The following EPB42 variants were observed in gnomAD, a reference collection of about 807,000 sequenced individuals.
EPB42 encodes protein 4.2.
A neutral mutation model predicts 76.9 loss-of-function variants in EPB42; 49 were observed. The ratio of observed to expected loss-of-function variants is 0.64; its 90% CI spans 0.51 to 0.81. The LOEUF (loss-of-function observed/expected upper bound fraction) is 0.81. EPB42 is among the 30% of genes least tolerant of loss of function. The pLI is 0.00. For missense variants in EPB42, 731 were observed against 867.6 expected, an observed-to-expected ratio of 0.84 and a Z score of 1.98; for synonymous variants, 310 against 338.4, an observed-to-expected ratio of 0.92 and a Z score of 0.92.
chr15:43,207,076 A>C, intron 9 of EPB42, 123 bp downstream of exon 9: 1 of 1,451,608 alleles, frequency 6.9e-7, no homozygotes, highest in Non-Finnish European at 9.4e-7. Context: ...GGGGTTGAGA[A>C]ACCCTGTTTT....
chr15:43,207,177 G>A (rs1248457866), intron 9 of EPB42, 22 bp downstream of exon 9: 2 of 1,613,710 alleles, frequency 1.2e-6, no homozygotes, highest in African/African-American at 2.7e-5. Flanking sequence ...CGAGAAGCCT[G>A]GGGCCCTTCC....
rs774191274 is a variant in EPB42 at position 43,209,315 on chromosome 15, T to A, written c.791A>T (p.Tyr264Phe). ...QWLTGRGRPV[Y>F]DGQAWVLAAV... ...AGCCAACACCCAGGCCTGGCCATCA[T>A]ACACAGGTCGGCCTCGGCCGGTGAG... Residue 264 changes from tyrosine to phenylalanine, a missense_variant, in exon 6 of 13, where the codon TAT becomes TTT. Coordinates refer to ENST00000441366, the MANE Select transcript of EPB42 (RefSeq NM_001114134.2). 1 of 1,614,094 alleles carries A rather than the reference T, an allele frequency of 6.2e-7. No individual in the cohort carries two copies. Among genetic ancestry groups the A allele is most frequent in the South Asian group, 1.1e-5 (1 of 91,088 alleles).
chr15:43,213,786 T>C (rs1011895473), intron 3 of EPB42, among the ~76,000 whole-genome samples: 1 of 152,230 alleles, frequency 6.6e-6, no homozygotes, highest in East Asian at 1.9e-4. Context: ...TCCCATCTGC[T>C]GATCCACCTG....
intron 1 of EPB42, 43 bp from the exon 2 acceptor site, chr15:43,216,496 G>A (rs1227758753): frequency 6.3e-7 from 1 of 1,594,854 alleles, no homozygotes; most frequent in East Asian, 2.2e-5. Context: ...AAGTACATGT[G>A]ACAATGTAAG....
intron 4 of EPB42, 86 bp from the exon 5 acceptor site, chr15:43,210,525 G>C: frequency 2.5e-6 from 3 of 1,213,114 alleles, no homozygotes; most frequent in South Asian, 1.2e-5. Context: ...TCATCCTGCA[G>C]GACAGCCTCA....
chr15:43,206,699 A>AATC lies in EPB42; in HGVS notation c.1319-73_1319-71dup. 6.4e-7 allele frequency: 1 copy of AATC among 1,574,036 alleles called. No individual in the cohort carries two copies. Among genetic ancestry groups the AATC allele is most frequent in the Non-Finnish European group, 8.7e-7 (1 of 1,148,464 alleles). ...TAAATGCTTCTAATAAAACCCTGGG[A>AATC]ATCAAAACCATTTACCCACTTCTGC... On this transcript the variant is annotated intron_variant, in intron 9 of 12. Coordinates refer to ENST00000441366, the MANE Select transcript of EPB42 (RefSeq NM_001114134.2). The surrounding 1 kb of genome is among the most constrained non-coding windows in gnomAD (Gnocchi z 4.7).
upstream of EPB42, among the ~76,000 whole-genome samples, chr15:43,222,635 A>G (rs2042472806): frequency 6.6e-6 from 1 of 152,248 alleles, no homozygotes; most frequent in Non-Finnish European, 1.5e-5. Context: ...ATAATAATAA[A>G]GTGTGACCAG....
intron 8 of EPB42, 110 bp downstream of exon 8, chr15:43,208,120 G>A (rs959916627): frequency 3.3e-6 from 3 of 919,436 alleles, no homozygotes; most frequent in Admixed American, 2.0e-5. Flanking sequence ...TGCTTCTACT[G>A]TTTTCGAGGA....
chr15:43,214,727 G>A (rs988247729), intron 3 of EPB42, among the ~76,000 whole-genome samples: 6 of 152,130 alleles, frequency 3.9e-5, no homozygotes, highest in Admixed American at 6.6e-5. Flanking sequence ...CCTCATTCCC[G>A]AGGCCCTCTC....
chr15:43,206,888 A>C lies in EPB42; in HGVS notation c.1319-259T>G, dbSNP rs2042212907. Among the ~76,000 whole-genome samples the C allele has an allele frequency of 6.6e-6, 1 of 152,080 alleles. No individual in the cohort carries two copies. Among genetic ancestry groups the C allele is most frequent in the Non-Finnish European group, 1.5e-5 (1 of 68,026 alleles). On this transcript the variant is annotated intron_variant, in intron 9 of 12. Coordinates refer to ENST00000441366, the MANE Select transcript of EPB42 (RefSeq NM_001114134.2). The surrounding 1 kb of genome is among the most constrained non-coding windows in gnomAD (Gnocchi z 4.7). ...ATGAATTCTCCCCTTGAATGATGAG[A>C]GAGCAAGGTTGGGGACAAGTCAACA...
chr15:43,217,545 A>AG (rs2042398054), intron 1 of EPB42, among the ~76,000 whole-genome samples: 2 of 150,932 alleles, frequency 1.3e-5, no homozygotes, highest in Non-Finnish European at 3.0e-5. Flanking sequence ...CTGGAAAAAA[A>AG]GTTGGTTTTT....
intron 2 of EPB42, 102 bp downstream of exon 2, chr15:43,216,166 G>A: frequency 1.4e-6 from 2 of 1,415,336 alleles, no homozygotes; most frequent in Non-Finnish European, 2.0e-6. Flanking sequence ...CGGCCCAGCT[G>A]CAGTGTGGGC....
rs779088187 is a variant in EPB42 at position 43,207,209 on chromosome 15, C to CT, written c.1307dup (p.Tyr437ValfsTer3). ...TTCCCTGGCCCGTACCTTCAGGATA[C>CT]TTGTAGTTCTGAGTGATGTCCTCGC... On this transcript the variant is annotated frameshift_variant, in exon 9 of 13. Transcript: ENST00000441366. LOFTEE classifies it high-confidence loss of function. The CT allele has an allele frequency of 6.2e-7, 1 of 1,614,042 alleles. No individual in the cohort carries two copies. The highest frequency in any genetic ancestry group is 8.5e-7 in the Non-Finnish European group (1 of 1,179,910).
intron 3 of EPB42, 89 bp from the exon 4 acceptor site, chr15:43,211,623 G>A: frequency 1.1e-6 from 1 of 928,106 alleles, no homozygotes; most frequent in Non-Finnish European, 1.8e-6. Context: ...CCGAGATTAG[G>A]TTTGGCTGCA....
chr15:43,200,773 C>A, intron 12 of EPB42, among the ~76,000 whole-genome samples: 1 of 151,910 alleles, frequency 6.6e-6, no homozygotes, highest in East Asian at 1.9e-4. Context: ...TAGCCTAGGA[C>A]CCAGCAATTC....
At position 43,201,048 on chromosome 15, in the gene EPB42, C is replaced by T. The variant is rs56252614; in HGVS notation, c.1913+796G>A. Reference sequence around the variant, plus strand: ...CCAGGATGGTCTCGATCCTCCTGACCTTGTGATCCACCTACCTTGGCCTCC... The same window carrying T: ...CCAGGATGGTCTCGATCCTCCTGACTTTGTGATCCACCTACCTTGGCCTCC... On this transcript the variant is annotated intron_variant, in intron 12 of 12. Coordinates refer to ENST00000441366, the MANE Select transcript of EPB42 (RefSeq NM_001114134.2). Among the ~76,000 whole-genome samples the T allele has an allele frequency of 5.3e-3, 809 of 152,274 alleles. 5 individuals carry two copies. The highest frequency in any genetic ancestry group is 0.01 in the Middle Eastern group (3 of 294).
upstream of EPB42, among the ~76,000 whole-genome samples, chr15:43,222,657 A>G (rs554161616): frequency 6.6e-6 from 1 of 152,380 alleles, no homozygotes; most frequent in East Asian, 1.9e-4. Flanking sequence ...CTTCCTAGAT[A>G]TGAACACATA....
At chr15:43,207,096 G>A (rs1277836115) in intron 9 of EPB42, 103 bp downstream of exon 9, 8 of 1,541,634 alleles carry the variant, frequency 5.2e-6, no homozygotes, top group East Asian at 2.3e-5. Flanking sequence ...TATATGATGC[G>A]GAAAGGACAA....
At chr15:43,212,706 C>T (rs148109488) in intron 3 of EPB42, among the ~76,000 whole-genome samples, 3 of 152,252 alleles carry the variant, frequency 2.0e-5, no homozygotes, top group Non-Finnish European at 2.9e-5. Context: ...AGTCTCCTCC[C>T]GGTGCCCCTC....
Sources: allele counts gnomAD v4.1 joint callset (sites outside exome capture counted in the v4.1 genomes callset), GRCh38; gene constraint gnomAD v4.1.1; non-coding constraint Gnocchi (gnomAD v3.1); transcripts MANE v1.5; gene names NCBI Gene and HGNC (gene_info 2026-07-23, HGNC 2026-07-21).